GDF10: variants seen among roughly 807,000 people sequenced by gnomAD.
The protein encoded by GDF10 is growth differentiation factor 10.
In GDF10, 23 loss-of-function variants were observed where a neutral mutation model predicts 32.1. The ratio of observed to expected loss-of-function variants is 0.72; its 90% CI spans 0.52 to 1.02. The LOEUF (loss-of-function observed/expected upper bound fraction) is 1.02, where lower values mean the gene tolerates loss of function less well. GDF10 is among the 50% of genes least tolerant of loss of function. The pLI, the probability that GDF10 is intolerant of heterozygous loss-of-function variation, is 0.00. For missense variants in GDF10, 764 were observed against 673.9 expected (o/e 1.13, Z -1.48); for synonymous variants, 328 against 303.1 (o/e 1.08, Z -0.85).
chr10:47,309,479 G>A (rs926505209), intron 1 of GDF10, among the ~76,000 whole-genome samples: 4 of 152,318 alleles, frequency 2.6e-5, no homozygotes, highest in Non-Finnish European at 4.4e-5. Flanking sequence ...GGAGCAAACA[G>A]GAGCTTTGGA....
At chr10:47,302,221 T>C (rs2061007195) in intron 1 of GDF10, among the ~76,000 whole-genome samples, 1 of 152,066 alleles carries the variant, frequency 6.6e-6, no homozygotes, top group African/African-American at 2.4e-5. Context: ...TGGACTTGAG[T>C]GTATTCATCG....
intron 1 of GDF10, among the ~76,000 whole-genome samples, chr10:47,301,742 G>T (rs2061005684): frequency 6.6e-6 from 1 of 152,202 alleles, no homozygotes; most frequent in Non-Finnish European, 1.5e-5. Context: ...CAGGGGTGGT[G>T]AGAAGACCCT....
intron 1 of GDF10, among the ~76,000 whole-genome samples, chr10:47,306,794 C>T (rs1030230282): frequency 3.3e-5 from 5 of 151,680 alleles, no homozygotes; most frequent in African/African-American, 9.7e-5. Flanking sequence ...TGGAAGGAAG[C>T]GTGAGGCACA....
chr10:47,310,799 TTC>T, intron 2 of GDF10, 78 bp downstream of exon 2: 2 of 975,894 alleles, frequency 2.0e-6, no homozygotes, highest in Non-Finnish European at 3.2e-6. Flanking sequence ...CCTGCAGGAC[TTC>T]TGTTTCCCCA....
chr10:47,308,402 G>A (rs1009157254), intron 1 of GDF10, among the ~76,000 whole-genome samples: 1 of 152,166 alleles, frequency 6.6e-6, no homozygotes, highest in East Asian at 1.9e-4. Flanking sequence ...AGTGCCACCT[G>A]AGCCTTTACT....
intron 1 of GDF10, among the ~76,000 whole-genome samples, chr10:47,304,386 G>GAGAGGGA (rs2061015495): frequency 6.6e-6 from 1 of 151,864 alleles, no homozygotes; most frequent in Non-Finnish European, 1.5e-5. Flanking sequence ...GAGAGAGAAA[G>GAGAGGGA]GAGAGAGGGA....
intron 1 of GDF10, among the ~76,000 whole-genome samples, chr10:47,301,351 C>G (rs1402786235): frequency 6.6e-6 from 1 of 152,224 alleles, no homozygotes; most frequent in African/African-American, 2.4e-5. Flanking sequence ...CATAGGCAGC[C>G]CTGCAGAAGC....
At chr10:47,311,659 C>T (rs1469468398) in intron 2 of GDF10, among the ~76,000 whole-genome samples, 1 of 152,228 alleles carries the variant, frequency 6.6e-6, no homozygotes, top group Non-Finnish European at 1.5e-5. Flanking sequence ...AGAGACGGAG[C>T]CTGCTAAAAG....
chr10:47,302,268 C>A (rs2061007404), intron 1 of GDF10, among the ~76,000 whole-genome samples: 3 of 152,210 alleles, frequency 2.0e-5, no homozygotes, highest in Admixed American at 6.5e-5. Flanking sequence ...CTCCCCTGTG[C>A]AGTTGAAGGG....
intron 1 of GDF10, among the ~76,000 whole-genome samples, chr10:47,303,446 C>T (rs1464043368): frequency 6.6e-6 from 1 of 152,222 alleles, no homozygotes; most frequent in African/African-American, 2.4e-5. Flanking sequence ...CTGAACTTGT[C>T]CATGACTCAG....
intron 1 of GDF10, among the ~76,000 whole-genome samples, chr10:47,307,614 G>T (rs1191604230): frequency 6.6e-6 from 1 of 152,230 alleles, no homozygotes; most frequent in Non-Finnish European, 1.5e-5. Flanking sequence ...AGAGCAGGCT[G>T]CCCAGTGAGG....
intron 1 of GDF10, among the ~76,000 whole-genome samples, chr10:47,307,784 G>T (rs1444272334): frequency 6.6e-6 from 1 of 152,250 alleles, no homozygotes; most frequent in Non-Finnish European, 1.5e-5. Context: ...TGCTGTGTTG[G>T]CTGGGTTGCA....
intron 1 of GDF10, among the ~76,000 whole-genome samples, chr10:47,303,954 G>C (rs1380823259): frequency 6.6e-6 from 1 of 152,194 alleles, no homozygotes; most frequent in Non-Finnish European, 1.5e-5. Flanking sequence ...AACTAGCAGG[G>C]CAGATCAAAG....
chr10:47,308,738 A>AAAGCC (rs2061032107), intron 1 of GDF10, among the ~76,000 whole-genome samples: 1 of 152,122 alleles, frequency 6.6e-6, no homozygotes, highest in African/African-American at 2.4e-5. Flanking sequence ...TGGAAAGGAG[A>AAAGCC]AAGCCAGCCT....
At position 47,310,182 on chromosome 10, in the gene GDF10, C is replaced by G; in HGVS notation, c.706C>G (p.Arg236Gly). The G allele has an allele frequency of 6.2e-7, 1 of 1,611,622 alleles. No individual in the cohort carries two copies. The highest frequency in any genetic ancestry group is 8.5e-7 in the Non-Finnish European group (1 of 1,179,244). The change falls in exon 2 of 3, where the codon CGG (arginine) becomes GGG (glycine). Residue 236 changes from arginine (R) to glycine (G), a missense_variant. By Grantham distance (125) the Arg-to-Gly change is moderately radical. Coordinates refer to ENST00000580279, the MANE Select transcript of GDF10 (RefSeq NM_004962.5). ...TGAGGAGAGGGACCCGGGGGTGCCCCGGCCCAGCCCCTATGCGCCCTACAT... is the reference window on the plus strand; with the variant it reads ...TGAGGAGAGGGACCCGGGGGTGCCCGGGCCCAGCCCCTATGCGCCCTACAT... Reference protein sequence around the residue: ...DSEERDPGVPRPSPYAPYILV... With the variant: ...DSEERDPGVPGPSPYAPYILV...
chr10:47,305,827 G>C (rs1248535289), intron 1 of GDF10, among the ~76,000 whole-genome samples: 3 of 152,226 alleles, frequency 2.0e-5, no homozygotes, highest in Non-Finnish European at 4.4e-5. Context: ...GAGCCACTGA[G>C]ATCAGCTTGT....
In GDF10 at chr10:47,312,660, C is replaced by T. The variant is rs535359741; in HGVS notation, c.1305C>T (p.Ile435=). Residue 435 remains isoleucine, a synonymous_variant, in exon 3 of 3, where the codon ATC becomes ATT. Coordinates refer to ENST00000580279, the MANE Select transcript of GDF10 (RefSeq NM_004962.5). ...GCATTGTCAGGGCTGTGGGCATCAT[C>T]CCTGGCATCCCAGAGCCCTGCTGTG... ...IQSIVRAVGI[I]PGIPEPCCVP... The T allele has an allele frequency of 4.3e-6, 7 of 1,609,890 alleles. No individual in the cohort carries two copies. In the East Asian group the frequency reaches 9.0e-5, roughly 21 times the overall value.
Position 47,312,751 on chromosome 10 carries a change from G to C in GDF10, c.1396G>C (p.Val466Leu). 3.7e-6 allele frequency: 6 copies of C among 1,604,742 alleles called. No individual in the cohort carries two copies. The highest frequency in any genetic ancestry group is 5.1e-6 in the Non-Finnish European group (6 of 1,175,346). Residue 466 changes from valine (V) to leucine (L), a missense_variant, in exon 3 of 3, where the codon GTG becomes CTG. By Grantham distance (32) the Val-to-Leu change is conservative. Coordinates refer to ENST00000580279, the MANE Select transcript of GDF10 (RefSeq NM_004962.5). ...TGAGAATCGGAATGTGGTTCTGAAG[G>C]TGTACCCCAACATGTCCGTGGACAC... ...LDENRNVVLKVYPNMSVDTCA... is the reference protein window; with the variant it reads ...LDENRNVVLKLYPNMSVDTCA...
rs371701835 is a variant in GDF10 at position 47,309,738 on chromosome 10, A to G, written c.320-58A>G. 50 of 1,196,712 alleles carry G rather than the reference A, an allele frequency of 4.2e-5. No homozygotes were observed. The African/African-American group carries it at 6.9e-4, about 16-fold the overall frequency. 74.1% of individuals were successfully genotyped at this position (1,196,712 alleles called of 1,614,324 possible). ...GTTTGCTCCTCCAGCCCTGGGTGGG[A>G]GACCCTCAGGAGCACGAGCGAGAAC... is the stretch of plus-strand genomic sequence containing the variant. On this transcript the variant is annotated intron_variant, in intron 1 of 2. Coordinates refer to ENST00000580279, the MANE Select transcript of GDF10 (RefSeq NM_004962.5).
Sources: gnomAD v4.1 joint callset for allele counts (sites outside exome capture counted in the v4.1 genomes callset) on GRCh38, gnomAD v4.1.1 for gene constraint, MANE v1.5 for transcripts, NCBI Gene and HGNC (gene_info 2026-07-23, HGNC 2026-07-21) for gene names.